The following KANK3 variants were observed in gnomAD, a reference collection of about 807,000 sequenced individuals.
KANK3 encodes the protein KN motif and ankyrin repeat domain-containing protein 3.
Under a neutral mutation model 65.4 loss-of-function variants are expected in KANK3, and 61 were observed. The ratio of observed to expected loss-of-function variants is 0.93; its 90% CI spans 0.76 to 1.15. The LOEUF (loss-of-function observed/expected upper bound fraction) is 1.15, where lower values mean the gene tolerates loss of function less well. KANK3 is among the 50% of genes most tolerant of loss of function. KANK3 has a pLI of 0.00. For missense variants in KANK3, 1,187 were observed against 1,178.8 expected, an observed-to-expected ratio of 1.01 and a Z score of -0.10; for synonymous variants, 586 against 543.3, an observed-to-expected ratio of 1.08 and a Z score of -1.09.
chr19:8,326,274 C>A (rs966149568), intron 7 of KANK3, among the ~76,000 whole-genome samples: 2 of 151,830 alleles, frequency 1.3e-5, no homozygotes, highest in African/African-American at 4.8e-5. Context: ...ACTAAAAACA[C>A]AAAAAATAGC....
In KANK3 at chr19:8,324,478, G is replaced by A; in HGVS notation, c.2353C>T (p.His785Tyr). 6.2e-7 allele frequency: 1 copy of A among 1,610,852 alleles called. No homozygotes were observed. ...QDEVAALLHAHLSSGQPDTQS... is the reference protein window; with the variant it reads ...QDEVAALLHAYLSSGQPDTQS... ...GTGTCGGGCTGGCCCGAGCTCAGGT[G>A]GGCATGTAGCAGAGCGGCCACCTCA... is the stretch of plus-strand genomic sequence containing the variant. The change falls in exon 10 of 11, where the codon CAC becomes TAC. Residue 785 changes from histidine (H) to tyrosine (Y), a missense_variant. His to Tyr is a moderately conservative substitution (Grantham distance 83, BLOSUM62 2). Around this residue, in one of 3 missense-constraint regions of KANK3, gnomAD observed 1,078 missense variants for 1,038.2 expected, o/e 1.04. Transcript: ENST00000330915.
rs1036459058 is a variant in KANK3 at position 8,333,808 on chromosome 19, C to T, written c.1635G>A (p.Arg545=). ...CCCTCAGACGCGGGCTCAGCTCGCA[C>T]CTGCAGAGGAGGCCAGGAGAGACTC... ...EAEPQQVAQG[R]CELSPRLREA... Residue 545 remains arginine (R), a splice_region_variant and synonymous_variant, in exon 6 of 11, where the codon AGG becomes AGA. Coordinates refer to ENST00000330915, the MANE Select transcript of KANK3 (RefSeq NM_198471.3). This position sits in a 1 kb window ranked among gnomAD's most constrained non-coding sequence, Gnocchi z 5.0. The T allele has an allele frequency of 8.4e-6, 13 of 1,540,568 alleles. No homozygotes were observed. The highest frequency in any genetic ancestry group is 6.9e-5 in the African/African-American group (5 of 72,660).
At chr19:8,338,044 C>A in intron 1 of KANK3, 188 bp from the exon 2 acceptor site, 1 of 508,194 alleles carries the variant, frequency 2.0e-6, no homozygotes, top group African/African-American at 3.2e-5. Flanking sequence ...TTTTTTGGGA[C>A]AGAGTCTCGC....
chr19:8,340,158 A>G (rs559507086), intron 1 of KANK3, among the ~76,000 whole-genome samples: 2 of 150,734 alleles, frequency 1.3e-5, no homozygotes, highest in Non-Finnish European at 2.9e-5. Flanking sequence ...GCTACTCAGG[A>G]GGCTGAGGCA....
intron 10 of KANK3, chr19:8,323,573 A>AG (rs538817481): frequency 9.4e-6 from 1 of 106,216 alleles, no homozygotes; most frequent in South Asian, 2.9e-4. Flanking sequence ...TCTTCAAATG[A>AG]AAAAAAAAAA....
At position 8,324,991 on chromosome 19, in the gene KANK3, C is replaced by G; in HGVS notation, c.2042G>C (p.Arg681Thr). The change falls in exon 8 of 11, where the codon AGA becomes ACA. Residue 681 changes from arginine to threonine, a missense_variant. Arg to Thr is a moderately conservative substitution (Grantham distance 71). Transcript: ENST00000330915. ...QEEEDMAVVQ[R>T]LFCMGDVNAK... ...ATTGACATCACCCATGCAGAAGAGT[C>G]TCTGGACCACAGCCATGTCCTCCTC... The G allele has an allele frequency of 1.2e-6, 2 of 1,612,198 alleles. No individual in the cohort carries two copies. Among genetic ancestry groups the G allele is most frequent in the Non-Finnish European group, 1.7e-6 (2 of 1,179,750 alleles).
Position 8,333,300 on chromosome 19 carries a change from A to C in KANK3, c.1720-70T>G. On this transcript the variant is annotated intron_variant, in intron 6 of 10. Transcript: ENST00000330915. This position sits in a 1 kb window ranked among gnomAD's most constrained non-coding sequence, Gnocchi z 5.0. ...CGGCGCCGTGGTGGGGGAGCTGGGG[A>C]GGGGCGGGACTGGGAAGAGACCCAT... 8.2e-7 allele frequency: 1 copy of C among 1,224,714 alleles called. No individual in the cohort carries two copies. 75.9% of individuals were successfully genotyped at this position (1,224,714 alleles called of 1,614,324 possible). A position where few individuals can be genotyped will look rare whatever the true frequency, so the allele number is the denominator to read the frequency against.
intron 1 of KANK3, among the ~76,000 whole-genome samples, chr19:8,338,873 C>CAAAA (rs35505826): frequency 1.1e-4 from 2 of 18,906 alleles, no homozygotes; most frequent in Non-Finnish European, 2.2e-4. Flanking sequence ...GATTCCGTCT[C>CAAAA]AAAAAAAAAA....
chr19:8,323,862 A>T (rs2145408802), intron 10 of KANK3, among the ~76,000 whole-genome samples: 1 of 152,348 alleles, frequency 6.6e-6, no homozygotes, highest in East Asian at 1.9e-4. Context: ...ATCAGAGTAT[A>T]GTGGTGTTGG....
At chr19:8,341,009 G>A (rs189792494) in intron 1 of KANK3, among the ~76,000 whole-genome samples, 9 of 152,154 alleles carry the variant, frequency 5.9e-5, no homozygotes, top group African/African-American at 1.4e-4. Context: ...TGGGGTCAGC[G>A]TCCTCCTCCG....
chr19:8,337,513 T>G (rs188413053), intron 2 of KANK3, among the ~76,000 whole-genome samples: 1 of 151,520 alleles, frequency 6.6e-6, no homozygotes, highest in Admixed American at 6.6e-5. Context: ...GCCTGGCTAA[T>G]TTTTGTATTT....
Position 8,324,812 on chromosome 19 carries a change from T to C in KANK3, c.2101A>G (p.Met701Val). The change falls in exon 9 of 11, where the codon ATG (methionine) becomes GTG (valine). Residue 701 changes from methionine to valine, a missense_variant. Met to Val is a conservative substitution (Grantham distance 21). Coordinates refer to ENST00000330915, the MANE Select transcript of KANK3 (RefSeq NM_198471.3). ...TGTCGGCCATGGCTGATGGCCAGCA[T>C]GAGGGCTGTCTGCCCCGTCTGGGGA... ...KASQTGQTAL[M>V]LAISHGRQDM... 6.2e-7 allele frequency: 1 copy of C among 1,612,434 alleles called. No individual in the cohort carries two copies. The highest frequency in any genetic ancestry group is 1.3e-5 in the African/African-American group (1 of 75,036).
chr19:8,324,335 G>A lies in KANK3; in HGVS notation c.2382+114C>T, dbSNP rs2145409759. On this transcript the variant is annotated intron_variant, in intron 10 of 10. Coordinates refer to ENST00000330915, the MANE Select transcript of KANK3 (RefSeq NM_198471.3). ...ATAGGAGAATCCAGACACTGGTTCTGCACCCCTGGTGCCACCTTTGGGGAG... is the reference window on the plus strand; with the variant it reads ...ATAGGAGAATCCAGACACTGGTTCTACACCCCTGGTGCCACCTTTGGGGAG... 6.6e-6 allele frequency: 6 copies of A among 910,298 alleles called. No homozygotes were observed. In the East Asian group the frequency reaches 8.0e-5, roughly 12 times the overall value. 56.4% of individuals were successfully genotyped at this position (910,298 alleles called of 1,614,324 possible). A position where few individuals can be genotyped will look rare whatever the true frequency, so the allele number is the denominator to read the frequency against.
Position 8,335,260 on chromosome 19 carries a change from C to T in KANK3, c.567G>A (p.Gln189=). ...GCAGGCGCCGCAGCGCCGCGGCCAT[C>T]TGCTCGCGCACCAGCTGCAGTTGGG... is the stretch of plus-strand genomic sequence containing the variant. The part of the protein sequence containing the change: ...GPAQLQLVRE[Q]MAAALRRLRE... The change falls in exon 3 of 11, where the codon CAG becomes CAA. Residue 189 remains glutamine (Q), a synonymous_variant. Transcript: ENST00000330915. The T allele has an allele frequency of 8.2e-7, 1 of 1,225,240 alleles. No homozygotes were observed. The highest frequency in any genetic ancestry group is 1.0e-6 in the Non-Finnish European group (1 of 982,098). The allele number at this position is 1,225,240 out of a possible 1,614,324, so 75.9% of individuals were successfully genotyped here.
rs770127422 is a variant in KANK3 at position 8,322,831 on chromosome 19, G to A, written c.*8C>T. ...CACAGCTAGGTGTAGTGAGCCAGAC[G>A]AGGCAGCTTACTGAACCTGGGGGTT... On this transcript the variant is annotated 3_prime_UTR_variant, in exon 11 of 11. Transcript: ENST00000330915. 6.2e-7 allele frequency: 1 copy of A among 1,602,026 alleles called. No homozygotes were observed. Among genetic ancestry groups the A allele is most frequent in the East Asian group, 2.3e-5 (1 of 44,352 alleles).
In KANK3 at chr19:8,333,091, T is replaced by A; in HGVS notation, c.1859A>T (p.Asp620Val). ...GTGCAGGGCCGTGTTCCCGTTGCCA[T>A]CCGCCAGGTTCACCACGTGCGCCAG... is the stretch of plus-strand genomic sequence containing the variant. ...ELLAHVVNLA[D>V]GNGNTALHYS... Residue 620 changes from aspartate to valine, a missense_variant, in exon 7 of 11, where the codon GAT (aspartate) becomes GTT (valine). By Grantham distance (152) the Asp-to-Val change is radical. This residue lies in a region of KANK3 where 1,078 missense variants were observed against 1,038.2 expected (regional missense o/e 1.04). Transcript: ENST00000330915. This position sits in a 1 kb window ranked among gnomAD's most constrained non-coding sequence, Gnocchi z 5.0. 1.2e-6 allele frequency: 2 copies of A among 1,603,248 alleles called. No individual in the cohort carries two copies. Among genetic ancestry groups the A allele is most frequent in the Non-Finnish European group, 1.7e-6 (2 of 1,174,962 alleles).
In KANK3 at chr19:8,333,771, C is replaced by A. The variant is rs1374445364; in HGVS notation, c.1672G>T (p.Ala558Ser). 6.6e-7 allele frequency: 1 copy of A among 1,508,174 alleles called. No individual in the cohort carries two copies. Among genetic ancestry groups the A allele is most frequent in the East Asian group, 2.5e-5 (1 of 40,016 alleles). 93.4% of individuals were successfully genotyped at this position (1,508,174 alleles called of 1,614,324 possible). A position where few individuals can be genotyped will look rare whatever the true frequency, so the allele number is the denominator to read the frequency against. Residue 558 changes from alanine (A) to serine (S), a missense_variant, in exon 6 of 11, where the codon GCG becomes TCG. By Grantham distance (99) the Ala-to-Ser change is moderately conservative. This residue lies in a region of KANK3 where 1,078 missense variants were observed against 1,038.2 expected (regional missense o/e 1.04). Coordinates refer to ENST00000330915, the MANE Select transcript of KANK3 (RefSeq NM_198471.3). This position sits in a 1 kb window ranked among gnomAD's most constrained non-coding sequence, Gnocchi z 5.0. ...LSPRLREACV[A>S]LQRQLSRPRG... ...GGCCGGCTCAGCTGCCGCTGCAGCG[C>A]TACGCACGCCTCCCTCAGACGCGGG...
chr19:8,338,899 AG>A (rs35313774), intron 1 of KANK3, among the ~76,000 whole-genome samples: 26,419 of 87,654 alleles, frequency 0.3, 5,453 homozygotes, highest in Middle Eastern at 0.39. Flanking sequence ...AAAAAAAAAA[AG>A]GATGTAATTG....
At position 8,335,412 on chromosome 19, in the gene KANK3, G is replaced by A. The variant is rs1265537670; in HGVS notation, c.415C>T (p.Arg139Trp). 3 of 1,205,002 alleles carry A rather than the reference G, an allele frequency of 2.5e-6. No individual in the cohort carries two copies. In the African/African-American group the frequency reaches 4.8e-5, roughly 19 times the overall value. The allele number at this position is 1,205,002 out of a possible 1,614,324, so 74.6% of individuals were successfully genotyped here. Reference sequence around the variant, plus strand: ...TGTGTCTGCGCCAGCTCCAGCCGCCGGCTGGTCTCCCGGAGCGTGTGCTCG... The same window carrying A: ...TGTGTCTGCGCCAGCTCCAGCCGCCAGCTGGTCTCCCGGAGCGTGTGCTCG... ...RVEHTLRETS[R>W]RLELAQTHER... The change falls in exon 3 of 11, where the codon CGG (arginine) becomes TGG (tryptophan). Residue 139 changes from arginine (R) to tryptophan (W), a missense_variant. By Grantham distance (101) the Arg-to-Trp change is moderately radical (BLOSUM62 -3). Transcript: ENST00000330915.
Sources: allele counts gnomAD v4.1 joint callset (sites outside exome capture counted in the v4.1 genomes callset), GRCh38; gene constraint gnomAD v4.1.1; regional missense constraint gnomAD v4.1.1; non-coding constraint Gnocchi (gnomAD v3.1); transcripts MANE v1.5; gene names NCBI Gene and HGNC (gene_info 2026-07-23, HGNC 2026-07-21).